PLXNA4: variants seen among roughly 807,000 people sequenced by gnomAD.
The protein encoded by PLXNA4 is plexin-A4.
A neutral mutation model predicts 191.8 loss-of-function variants in PLXNA4; 44 were observed. The ratio of observed to expected loss-of-function variants is 0.23; its 90% CI spans 0.18 to 0.29. PLXNA4 has a LOEUF of 0.29. PLXNA4 is among the 10% of genes least tolerant of loss of function. PLXNA4 has a pLI of 1.00. For missense variants in PLXNA4, 1,800 were observed against 2,488.8 expected (o/e 0.72, Z 5.89); for synonymous variants, 1,082 against 1,009.5 (o/e 1.07, Z -1.36).
intron 3 of PLXNA4, among the ~76,000 whole-genome samples, chr7:132,456,069 TG>T (rs1162841020): frequency 6.6e-6 from 1 of 151,122 alleles, no homozygotes; most frequent in Non-Finnish European, 1.5e-5. Context: ...TATGTATTTC[TG>T]GTGGACATGT....
At chr7:132,390,766 C>T (rs1563073058) in intron 3 of PLXNA4, among the ~76,000 whole-genome samples, 1 of 152,114 alleles carries the variant, frequency 6.6e-6, no homozygotes, top group South Asian at 2.1e-4. Context: ...CCCCACCCTG[C>T]CTTTCAGCAG....
intron 3 of PLXNA4, among the ~76,000 whole-genome samples, chr7:132,367,307 T>C (rs1294006754): frequency 6.6e-6 from 1 of 152,160 alleles, no homozygotes; most frequent in Non-Finnish European, 1.5e-5. Flanking sequence ...GATGGTGGCC[T>C]AGCAGCTCTG....
At chr7:132,175,812 C>T (rs577872034) in intron 20 of PLXNA4, among the ~76,000 whole-genome samples, 13 of 152,362 alleles carry the variant, frequency 8.5e-5, no homozygotes, top group African/African-American at 2.2e-4. Flanking sequence ...CACACATATA[C>T]GTGCATGCAT....
At chr7:132,279,470 A>C (rs1341282848) in intron 4 of PLXNA4, among the ~76,000 whole-genome samples, 1 of 152,126 alleles carries the variant, frequency 6.6e-6, no homozygotes, top group African/African-American at 2.4e-5. Context: ...TTCTACCAAA[A>C]ATTTAAAACA....
chr7:132,514,056 CTT>C (rs781602593), intron 1 of PLXNA4, among the ~76,000 whole-genome samples: 4 of 139,392 alleles, frequency 2.9e-5, no homozygotes, highest in Non-Finnish European at 3.1e-5. Flanking sequence ...TTTGGTGAGA[CTT>C]TTTTTTTTTT....
rs796667216 is a variant in PLXNA4 at position 132,295,850 on chromosome 7, T to C, written c.1503+2241A>G. 4.6e-5 allele frequency among the ~76,000 whole-genome samples: 7 copies of C among 152,336 alleles called. 1 individual carries two copies. The highest frequency in any genetic ancestry group is 1.7e-4 in the African/African-American group (7 of 41,578). ...AGCACTTACTCTGTGCCAGCCATGGTTCTAAGCTTATTATATGCCTATCTC... is the reference window on the plus strand; with the variant it reads ...AGCACTTACTCTGTGCCAGCCATGGCTCTAAGCTTATTATATGCCTATCTC... On this transcript the variant is annotated intron_variant, in intron 4 of 31. Coordinates refer to ENST00000321063, the MANE Select transcript of PLXNA4 (RefSeq NM_020911.2).
chr7:132,146,727 CA>C, intron 27 of PLXNA4, 27 bp from the exon 28 acceptor site: 1 of 1,612,118 alleles, frequency 6.2e-7, no homozygotes, highest in Non-Finnish European at 8.5e-7. Context: ...CACCCCCCGA[CA>C]TATGTGAGGC....
At chr7:132,298,368 G>A (rs1375432969) in intron 3 of PLXNA4, 146 bp from the exon 4 acceptor site, 31 of 1,137,372 alleles carry the variant, frequency 2.7e-5, no homozygotes, top group Admixed American at 8.7e-5. Context: ...AAGGAGTGGA[G>A]TGACATAAGC....
At chr7:132,627,542 CACAA>C (rs1406477588) in intron 2 of PLXNA4, among the ~76,000 whole-genome samples, 8 of 152,168 alleles carry the variant, frequency 5.3e-5, no homozygotes, top group African/African-American at 1.9e-4. Flanking sequence ...GTCCCACACA[CACAA>C]ATTCTTATGC....
chr7:132,214,092 A>T (rs1242405817), intron 9 of PLXNA4, among the ~76,000 whole-genome samples: 2 of 152,212 alleles, frequency 1.3e-5, no homozygotes, highest in Admixed American at 1.3e-4. Context: ...TCTGCCCTTC[A>T]TGAAACAGGA....
chr7:132,583,710 A>G (rs1802451561), intron 2 of PLXNA4, among the ~76,000 whole-genome samples: 3 of 152,278 alleles, frequency 2.0e-5, no homozygotes, highest in South Asian at 2.1e-4. Context: ...GCCTGGCTCC[A>G]TTCTCCTTCT....
At chr7:132,138,970 G>C (rs1446241307) in intron 30 of PLXNA4, among the ~76,000 whole-genome samples, 1 of 152,228 alleles carries the variant, frequency 6.6e-6, no homozygotes, top group African/African-American at 2.4e-5. Context: ...CAACAGCCCA[G>C]CTGCTGCCTC....
intron 3 of PLXNA4, among the ~76,000 whole-genome samples, chr7:132,419,326 A>G (rs1343397077): frequency 1.3e-5 from 2 of 152,208 alleles, no homozygotes; most frequent in Non-Finnish European, 2.9e-5. Context: ...GCAGGAGCAG[A>G]GAACTGCTCC....
intron 2 of PLXNA4, among the ~76,000 whole-genome samples, chr7:132,637,796 C>T (rs985869385): frequency 2.0e-5 from 3 of 152,232 alleles, no homozygotes; most frequent in African/African-American, 7.2e-5. Flanking sequence ...TTTGCCTCCC[C>T]ATCTCCTATG....
chr7:132,489,567 T>G (rs761041452), intron 2 of PLXNA4, 93 bp from the exon 3 acceptor site: 235 of 1,111,740 alleles, frequency 2.1e-4, no homozygotes, highest in Non-Finnish European at 2.5e-4. Flanking sequence ...GAAGAATCCT[T>G]AGAGATGAAA....
chr7:132,559,742 A>G (rs936439368), intron 1 of PLXNA4, among the ~76,000 whole-genome samples: 6 of 152,230 alleles, frequency 3.9e-5, no homozygotes, highest in African/African-American at 1.4e-4. Context: ...ACAAATGAAG[A>G]CCACTAAATT....
intron 3 of PLXNA4, among the ~76,000 whole-genome samples, chr7:132,357,050 G>A (rs981629619): frequency 3.9e-5 from 6 of 152,182 alleles, no homozygotes; most frequent in African/African-American, 1.4e-4. Context: ...GAGAGGTGTG[G>A]TGTCCAAATG....
rs114062798 is a variant in PLXNA4 at position 132,417,198 on chromosome 7, C to T, written c.1371+72094G>A. Among the ~76,000 whole-genome samples the T allele has an allele frequency of 3.0e-3, 462 of 152,216 alleles. 2 individuals carry two copies. Among genetic ancestry groups the T allele is most frequent in the African/African-American group, 0.01 (435 of 41,536 alleles). On this transcript the variant is annotated intron_variant, in intron 3 of 31. Transcript: ENST00000321063. ...TCCATCCTCTTGACAGCTCACTTAC[C>T]ACGGACCAGGGCTGTGGGGGAGCCT...
chr7:132,427,203 T>G (rs964409711), intron 3 of PLXNA4, among the ~76,000 whole-genome samples: 1 of 152,230 alleles, frequency 6.6e-6, no homozygotes. Flanking sequence ...TGGGGCCTCT[T>G]CCTGCTCCTC....
Sources: allele counts gnomAD v4.1 joint callset (sites outside exome capture counted in the v4.1 genomes callset), GRCh38; gene constraint gnomAD v4.1.1; transcripts MANE v1.5; gene names NCBI Gene and HGNC (gene_info 2026-07-23, HGNC 2026-07-21).